Variants in STARD13 observed in about 807,000 individuals in gnomAD.
STARD13 encodes the protein StAR related lipid transfer domain containing 13.
A neutral mutation model predicts 106.4 loss-of-function variants in STARD13; 62 were observed. The observed-to-expected ratio is 0.58, with a 90% CI of 0.48 to 0.72. STARD13 has a LOEUF of 0.72. STARD13 is among the 30% of genes least tolerant of loss of function. The pLI is 0.00. For missense variants in STARD13, 1,387 were observed against 1,424.0 expected (o/e 0.97, Z 0.42); for synonymous variants, 565 against 553.0 (o/e 1.02, Z -0.31).
chr13:33,187,673 GA>G (rs1317248363), intron 1 of STARD13, among the ~76,000 whole-genome samples: 2 of 151,400 alleles, frequency 1.3e-5, no homozygotes, highest in East Asian at 3.9e-4. Context: ...TTTTTTAAAA[GA>G]AAAAAATTTA....
the STARD13 span, among the ~76,000 whole-genome samples, chr13:33,512,075 T>C: frequency 1.3e-5 from 2 of 152,168 alleles, no homozygotes; most frequent in African/African-American, 4.8e-5. Context: ...GGCTTGGTAT[T>C]TGAGCAGATT....
intron 1 of STARD13, among the ~76,000 whole-genome samples, chr13:33,242,553 A>G (rs993567552): frequency 6.6e-6 from 1 of 152,190 alleles, no homozygotes; most frequent in Non-Finnish European, 1.5e-5. Context: ...TGAAGGCAGC[A>G]TACTCCTTAA....
At chr13:33,549,073 G>A in the STARD13 span, among the ~76,000 whole-genome samples, 5 of 151,920 alleles carry the variant, frequency 3.3e-5, no homozygotes, top group South Asian at 2.1e-4. Flanking sequence ...AAATAAGTTC[G>A]AGAAAATGTT....
the STARD13 span, among the ~76,000 whole-genome samples, chr13:33,512,678 A>C: frequency 6.6e-6 from 1 of 152,124 alleles, no homozygotes; most frequent in African/African-American, 2.4e-5. Flanking sequence ...CATGTTGGGC[A>C]GGCTGGTTTT....
chr13:33,319,202 A>G (rs1003006495), intron 1 of STARD13, among the ~76,000 whole-genome samples: 3 of 152,274 alleles, frequency 2.0e-5, no homozygotes, highest in African/African-American at 7.2e-5. Flanking sequence ...ACAATGGAAT[A>G]TTATTCAGTA....
At chr13:33,294,594 T>C (rs900573752) in intron 1 of STARD13, among the ~76,000 whole-genome samples, 1 of 152,248 alleles carries the variant, frequency 6.6e-6, no homozygotes, top group African/African-American at 2.4e-5. Flanking sequence ...CTGGAGATTT[T>C]AACAAATTTA....
At chr13:33,311,129 TAA>T (rs35391177) in intron 1 of STARD13, among the ~76,000 whole-genome samples, 5,784 of 128,288 alleles carry the variant, frequency 0.045, 380 homozygotes, top group African/African-American at 0.15. Flanking sequence ...CACCATTTCT[TAA>T]AAAAAAAAAA....
At chr13:33,362,457 A>C in the STARD13 span, among the ~76,000 whole-genome samples, 1 of 152,220 alleles carries the variant, frequency 6.6e-6, no homozygotes, top group Non-Finnish European at 1.5e-5. Flanking sequence ...CATATCAATA[A>C]GGGAAAAACG....
intron 1 of STARD13, among the ~76,000 whole-genome samples, chr13:33,300,839 T>A (rs1178060357): frequency 6.6e-6 from 1 of 152,188 alleles, no homozygotes; most frequent in Non-Finnish European, 1.5e-5. Flanking sequence ...CAGCCTCAAA[T>A]TCACAGCCTC....
At chr13:33,471,767 G>A in the STARD13 span, among the ~76,000 whole-genome samples, 1 of 151,590 alleles carries the variant, frequency 6.6e-6, no homozygotes, top group Non-Finnish European at 1.5e-5. Flanking sequence ...AAACGTTTAA[G>A]GATCCTTTCA....
rs771360121 is a variant in STARD13 at position 33,129,550 on chromosome 13, G to A, written c.1127C>T (p.Pro376Leu). ...CATACGGCTTTGGTCCCCTGCATCC[G>A]GCAGTGCTGTCCCCGCCAGCACATC... ...DLDVLAGTAL[P>L]DAGDQSRMHE... is the part of the protein sequence containing the mutation. Residue 376 changes from proline to leucine, a missense_variant, in exon 5 of 14, where the codon CCG becomes CTG. Coordinates refer to ENST00000336934, the MANE Select transcript of STARD13 (RefSeq NM_178006.4). 7.4e-6 allele frequency: 12 copies of A among 1,613,962 alleles called. No individual in the cohort carries two copies. The highest frequency in any genetic ancestry group is 1.6e-4 in the Middle Eastern group (1 of 6,084).
the STARD13 span, chr13:33,355,718 A>C: frequency 2.0e-5 from 3 of 152,098 alleles, no homozygotes; most frequent in Non-Finnish European, 4.4e-5. Context: ...CTCATTTTAA[A>C]AGTGTTGCTG....
At chr13:33,477,785 A>G in the STARD13 span, among the ~76,000 whole-genome samples, 1 of 151,290 alleles carries the variant, frequency 6.6e-6, no homozygotes, top group Non-Finnish European at 1.5e-5. Context: ...AAACCAGCCC[A>G]ATTATCCAAT....
At chr13:33,262,497 G>A (rs1050244402) in intron 1 of STARD13, among the ~76,000 whole-genome samples, 3 of 152,120 alleles carry the variant, frequency 2.0e-5, no homozygotes, top group Admixed American at 1.3e-4. Context: ...CAGATGATTC[G>A]AACTTTCTGG....
chr13:33,216,134 A>G (rs762596437), intron 1 of STARD13, among the ~76,000 whole-genome samples: 7 of 152,170 alleles, frequency 4.6e-5, no homozygotes, highest in Non-Finnish European at 1.0e-4. Flanking sequence ...AACTAATACA[A>G]CCACTCTGGA....
At chr13:33,544,281 A>G in the STARD13 span, among the ~76,000 whole-genome samples, 1 of 152,202 alleles carries the variant, frequency 6.6e-6, no homozygotes, top group Admixed American at 6.5e-5. Flanking sequence ...CGTGCCATTT[A>G]TAAATGTACA....
chr13:33,122,925 C>T (rs761080289), intron 7 of STARD13, among the ~76,000 whole-genome samples: 9 of 151,812 alleles, frequency 5.9e-5, no homozygotes, highest in Non-Finnish European at 1.2e-4. Context: ...TATGGTGGTG[C>T]GTGCCTGTAA....
upstream of STARD13, among the ~76,000 whole-genome samples, chr13:33,352,088 G>T (rs1436416870): frequency 6.6e-6 from 1 of 152,146 alleles, no homozygotes; most frequent in African/African-American, 2.4e-5. Context: ...GTAGAATCCT[G>T]GTAAATCTTT....
chr13:33,662,122 C>T, the STARD13 span, among the ~76,000 whole-genome samples: 3 of 151,638 alleles, frequency 2.0e-5, no homozygotes, highest in East Asian at 1.9e-4. Flanking sequence ...ATTAGCTGGG[C>T]GTGGTGGTGG....
Sources: gnomAD v4.1 joint callset for allele counts (sites outside exome capture counted in the v4.1 genomes callset) on GRCh38, gnomAD v4.1.1 for gene constraint, MANE v1.5 for transcripts, NCBI Gene and HGNC (gene_info 2026-07-23, HGNC 2026-07-21) for gene names.